CCL28: variants seen among roughly 807,000 people sequenced by gnomAD.
CCL28 encodes C-C motif chemokine 28.
Under a neutral mutation model 7.1 loss-of-function variants are expected in CCL28, and 4 were observed. That is an observed-to-expected ratio of 0.56 (90% confidence interval 0.28 to 1.29). CCL28 has a LOEUF of 1.29. Among genes scored for constraint, CCL28 ranks in the 50% most tolerant of loss-of-function variants. The pLI is 0.11. For synonymous variants in CCL28, 55 were observed against 57.8 expected (o/e 0.95, Z 0.22); for missense variants, 151 against 163.4 (o/e 0.92, Z 0.41).
chr5:43,368,338 T>C, the CCL28 span, among the ~76,000 whole-genome samples: 20 of 152,172 alleles, frequency 1.3e-4, no homozygotes, highest in African/African-American at 4.1e-4. Context: ...TTTTTCCCCA[T>C]CTTTCTCTAA....
In CCL28 at chr5:43,380,632, C is replaced by A. The variant is rs1295170157; in HGVS notation, c.*1228G>T. ...CCTGGGCAACATAGTGAGACCCTGT[C>A]TCTACAAAAAATAAACAAAATTAGC... is the stretch of plus-strand genomic sequence containing the variant. On this transcript the variant is annotated 3_prime_UTR_variant, in exon 3 of 3. Coordinates refer to ENST00000361115, the MANE Select transcript of CCL28 (RefSeq NM_148672.3). 1 of 151,716 alleles carries A rather than the reference C, an allele frequency of 6.6e-6. No homozygotes were observed. Among genetic ancestry groups the A allele is most frequent in the East Asian group, 1.9e-4 (1 of 5,172 alleles). 9.4% of individuals were successfully genotyped at this position (151,716 alleles called of 1,614,324 possible).
the CCL28 span, among the ~76,000 whole-genome samples, chr5:43,360,299 T>G: frequency 6.6e-6 from 1 of 152,182 alleles, no homozygotes; most frequent in Non-Finnish European, 1.5e-5. Flanking sequence ...GACTTTTTTT[T>G]AATTTTAGGT....
At chr5:43,373,788 C>G (rs1425656137), downstream of CCL28, among the ~76,000 whole-genome samples, 3 of 152,160 alleles carry the variant, frequency 2.0e-5, no homozygotes, top group African/African-American at 7.2e-5. Flanking sequence ...TCACTGTGGC[C>G]TGCGTTTAGC....
chr5:43,407,973 T>C (rs1015342598), intron 1 of CCL28, among the ~76,000 whole-genome samples: 4 of 152,244 alleles, frequency 2.6e-5, no homozygotes, highest in Admixed American at 2.0e-4. Context: ...TGGCAATCAT[T>C]CAAAAGTCAG....
At chr5:43,396,362 G>A (rs1039883416) in intron 1 of CCL28, among the ~76,000 whole-genome samples, 3 of 152,298 alleles carry the variant, frequency 2.0e-5, no homozygotes, top group African/African-American at 7.2e-5. Context: ...TTTATGACCT[G>A]TATTTTGTGC....
chr5:43,375,145 A>G (rs577257635), downstream of CCL28, among the ~76,000 whole-genome samples: 1 of 151,938 alleles, frequency 6.6e-6, no homozygotes, highest in South Asian at 2.1e-4. Flanking sequence ...GCCTGCCACC[A>G]TGCTCAGCTA....
intron 1 of CCL28, among the ~76,000 whole-genome samples, chr5:43,405,791 G>T (rs922240118): frequency 6.6e-6 from 1 of 151,972 alleles, no homozygotes; most frequent in African/African-American, 2.4e-5. Context: ...TCAAATAGAC[G>T]CAATAAAAAA....
At chr5:43,378,198 A>T (rs543806066), downstream of CCL28, among the ~76,000 whole-genome samples, 2 of 152,138 alleles carry the variant, frequency 1.3e-5, no homozygotes, top group Admixed American at 6.5e-5. Flanking sequence ...ATAATTTTTT[A>T]AAAATAGCCA....
At chr5:43,408,818 A>C (rs1344497524) in intron 1 of CCL28, among the ~76,000 whole-genome samples, 3 of 151,776 alleles carry the variant, frequency 2.0e-5, no homozygotes, top group African/African-American at 7.3e-5. Context: ...AGTATTTGTA[A>C]CTTTCATAAT....
chr5:43,367,491 T>TC, the CCL28 span, among the ~76,000 whole-genome samples: 1 of 152,170 alleles, frequency 6.6e-6, no homozygotes, highest in South Asian at 2.1e-4. Flanking sequence ...GGAAGGGAGT[T>TC]CCCCAACCCC....
intron 1 of CCL28, among the ~76,000 whole-genome samples, chr5:43,396,467 G>T (rs958017074): frequency 2.0e-5 from 3 of 152,144 alleles, no homozygotes; most frequent in Non-Finnish European, 4.4e-5. Context: ...GAGTTGCTCT[G>T]GTTCACTCGC....
chr5:43,365,447 G>GT, the CCL28 span, among the ~76,000 whole-genome samples: 1 of 152,188 alleles, frequency 6.6e-6, no homozygotes, highest in Non-Finnish European at 1.5e-5. Flanking sequence ...AGTTGATGCA[G>GT]TTTCTTCATA....
intron 1 of CCL28, among the ~76,000 whole-genome samples, chr5:43,411,456 T>C (rs1191383899): frequency 6.6e-6 from 1 of 152,206 alleles, no homozygotes; most frequent in Non-Finnish European, 1.5e-5. Flanking sequence ...ATAATTTGTA[T>C]GGTTCAATCT....
intron 1 of CCL28, among the ~76,000 whole-genome samples, chr5:43,393,896 T>C (rs1740690675): frequency 6.6e-6 from 1 of 152,238 alleles, no homozygotes; most frequent in Admixed American, 6.5e-5. Context: ...GACCCTTTTA[T>C]CTTTTGAGGA....
chr5:43,359,110 T>C, the CCL28 span, among the ~76,000 whole-genome samples: 1 of 152,180 alleles, frequency 6.6e-6, no homozygotes, highest in African/African-American at 2.4e-5. Context: ...TCTAATAAAA[T>C]GTAGGTATAG....
intron 2 of CCL28, among the ~76,000 whole-genome samples, chr5:43,385,063 A>AT (rs1001013829): frequency 7.2e-5 from 11 of 152,000 alleles, no homozygotes; most frequent in Admixed American, 5.9e-4. Context: ...TGCCCGGCTA[A>AT]TTTTTTTGTA....
At position 43,401,537 on chromosome 5, in the gene CCL28, T is replaced by C. The variant is rs373784469; in HGVS notation, c.64+10716A>G. Among the ~76,000 whole-genome samples, 21 of 152,354 alleles carry C rather than the reference T, an allele frequency of 1.4e-4. No homozygotes were observed. In the East Asian group the frequency reaches 3.9e-3, roughly 28 times the overall value. Reference sequence around the variant, plus strand: ...GCTGACCTTGGGTGAGTTAACTCTCTGTATCTCAATCCTTTTTTCTGTAAT... The same window carrying C: ...GCTGACCTTGGGTGAGTTAACTCTCCGTATCTCAATCCTTTTTTCTGTAAT... On this transcript the variant is annotated intron_variant, in intron 1 of 2. Transcript: ENST00000361115.
chr5:43,391,402 G>A (rs569166613), intron 1 of CCL28, among the ~76,000 whole-genome samples: 14 of 152,242 alleles, frequency 9.2e-5, no homozygotes, highest in Admixed American at 3.9e-4. Flanking sequence ...CCAATAACAC[G>A]AGTTCAGTAA....
At position 43,401,097 on chromosome 5, in the gene CCL28, G is replaced by A. The variant is rs9687401; in HGVS notation, c.64+11156C>T. On this transcript the variant is annotated intron_variant, in intron 1 of 2. Coordinates refer to ENST00000361115, the MANE Select transcript of CCL28 (RefSeq NM_148672.3). ...GACTCCGTCTCAAAAAAAAAAAAAA[G>A]AAAAAGAAAAAAAAGGCAACACATA... 8.9e-4 allele frequency among the ~76,000 whole-genome samples: 124 copies of A among 139,662 alleles called. 2 individuals are homozygous for A. Among genetic ancestry groups the A allele is most frequent in the African/African-American group, 2.9e-3 (95 of 32,492 alleles). 91.6% of individuals were successfully genotyped at this position (139,662 alleles called of 152,430 possible).
Sources: gnomAD v4.1 joint callset for allele counts (sites outside exome capture counted in the v4.1 genomes callset) on GRCh38, gnomAD v4.1.1 for gene constraint, MANE v1.5 for transcripts, NCBI Gene and HGNC (gene_info 2026-07-23, HGNC 2026-07-21) for gene names.